DYNC1LI1: variants seen among roughly 807,000 people sequenced by gnomAD.
DYNC1LI1 encodes dynein cytoplasmic 1 light intermediate chain 1.
Under a neutral mutation model 63.8 loss-of-function variants are expected in DYNC1LI1, and 19 were observed. The ratio of observed to expected loss-of-function variants is 0.30; its 90% CI spans 0.21 to 0.44. DYNC1LI1 has a LOEUF of 0.44. Among genes scored for constraint, DYNC1LI1 ranks in the 20% least tolerant of loss-of-function variants. DYNC1LI1 has a pLI of 1.00. For synonymous variants in DYNC1LI1, 225 were observed against 232.3 expected, an observed-to-expected ratio of 0.97 and a Z score of 0.28; for missense variants, 565 against 630.2, an observed-to-expected ratio of 0.90 and a Z score of 1.11.
intron 2 of DYNC1LI1, among the ~76,000 whole-genome samples, chr3:32,561,522 A>G (rs1698194041): frequency 6.6e-6 from 1 of 151,816 alleles, no homozygotes. Context: ...CCAGCTACTC[A>G]GGAGGCTGAG....
At chr3:32,532,942 TAGTCTAA>T in intron 8 of DYNC1LI1, 37 bp downstream of exon 8, 2 of 1,514,678 alleles carry the variant, frequency 1.3e-6, no homozygotes, top group Non-Finnish European at 1.8e-6. Context: ...CCCCTCAGGT[TAGTCTAA>T]AGTCTAAATA....
chr3:32,561,032 A>AAAAAAAAAAAAAAAAAC (rs1559444480), intron 2 of DYNC1LI1, among the ~76,000 whole-genome samples: 1 of 118,766 alleles, frequency 8.4e-6, no homozygotes, highest in African/African-American at 3.7e-5. Flanking sequence ...AAAAAAAAAA[A>AAAAAAAAAAAAAAAAAC]ACAAACAAAA....
intron 2 of DYNC1LI1, among the ~76,000 whole-genome samples, chr3:32,546,743 C>T (rs1697960060): frequency 6.6e-6 from 1 of 152,022 alleles, no homozygotes; most frequent in Non-Finnish European, 1.5e-5. Context: ...TACATCAGGA[C>T]AGGGAACTGT....
At chr3:32,559,994 T>A (rs1205366727) in intron 2 of DYNC1LI1, among the ~76,000 whole-genome samples, 1 of 152,132 alleles carries the variant, frequency 6.6e-6, no homozygotes, top group South Asian at 2.1e-4. Flanking sequence ...CTCCCTCACA[T>A]TGGTAGGTAA....
At chr3:32,570,094 G>A (rs926997790) in intron 2 of DYNC1LI1, 8 of 628,384 alleles carry the variant, frequency 1.3e-5, no homozygotes, top group Non-Finnish European at 2.3e-5. Flanking sequence ...CTTCCCAGGG[G>A]AAGCTGTCAG....
chr3:32,545,587 T>G (rs1697941536), intron 3 of DYNC1LI1: 6 of 427,270 alleles, frequency 1.4e-5, no homozygotes, highest in Non-Finnish European at 1.7e-5. Context: ...TGAGGGAAGA[T>G]GAACTGAAAA....
intron 1 of DYNC1LI1, 50 bp from the exon 2 acceptor site, chr3:32,570,469 C>A: frequency 6.5e-7 from 1 of 1,527,442 alleles, no homozygotes; most frequent in Middle Eastern, 2.3e-4. Flanking sequence ...AGCCGCAGCG[C>A]GGGAGGGACG....
intron 2 of DYNC1LI1, among the ~76,000 whole-genome samples, chr3:32,562,317 A>G (rs547120043): frequency 2.0e-4 from 31 of 152,196 alleles, no homozygotes; most frequent in African/African-American, 7.0e-4. Context: ...TCTACGTGGT[A>G]GGATCATGCA....
intron 4 of DYNC1LI1, among the ~76,000 whole-genome samples, chr3:32,542,018 C>T (rs960892535): frequency 6.6e-6 from 1 of 152,018 alleles, no homozygotes; most frequent in African/African-American, 2.4e-5. Flanking sequence ...GAATATTTAA[C>T]GTTGTAGGAA....
Position 32,566,135 on chromosome 3 carries a change from G to A in DYNC1LI1, c.220+4211C>T, listed in dbSNP as rs531524802. Among the ~76,000 whole-genome samples, 320 of 152,096 alleles carry A rather than the reference G, an allele frequency of 2.1e-3. 2 individuals carry two copies. The highest frequency in any genetic ancestry group is 7.4e-3 in the African/African-American group (307 of 41,526). On this transcript the variant is annotated intron_variant, in intron 2 of 12. Coordinates refer to ENST00000273130, the MANE Select transcript of DYNC1LI1 (RefSeq NM_016141.4). ...AAAAGTACAAAAACTGGCTAGGAGTGGTGACACGCACCTGTAGTCCCAGCT... is the reference window on the plus strand; with the variant it reads ...AAAAGTACAAAAACTGGCTAGGAGTAGTGACACGCACCTGTAGTCCCAGCT...
Position 32,566,196 on chromosome 3 carries a change from C to T in DYNC1LI1, c.220+4150G>A, listed in dbSNP as rs1167600877. On this transcript the variant is annotated intron_variant, in intron 2 of 12. Coordinates refer to ENST00000273130, the MANE Select transcript of DYNC1LI1 (RefSeq NM_016141.4). The stretch of plus-strand genomic sequence containing the variant: ...CTGAGGCAGGAGGACGGTTTGAGCC[C>T]AGGAGGCAGAGGTTGCAGTGAGCCG... 4.0e-5 allele frequency among the ~76,000 whole-genome samples: 6 copies of T among 151,264 alleles called. No homozygotes were observed. The East Asian group carries it at 1.0e-3, about 25-fold the overall frequency.
chr3:32,567,345 C>T (rs571592568), intron 2 of DYNC1LI1, among the ~76,000 whole-genome samples: 1 of 152,046 alleles, frequency 6.6e-6, no homozygotes, highest in Non-Finnish European at 1.5e-5. Context: ...TACACATACA[C>T]ACGTTACTAC....
chr3:32,544,024 C>A (rs192381478), intron 4 of DYNC1LI1, among the ~76,000 whole-genome samples: 1 of 151,724 alleles, frequency 6.6e-6, no homozygotes, highest in African/African-American at 2.4e-5. Context: ...CAAGATTGTG[C>A]CACTGTACTT....
chr3:32,535,006 T>A (rs1304228385), intron 6 of DYNC1LI1, among the ~76,000 whole-genome samples: 1 of 152,212 alleles, frequency 6.6e-6, no homozygotes, highest in Non-Finnish European at 1.5e-5. Flanking sequence ...ATATTATTTA[T>A]CAACAGCTGT....
Position 32,526,876 on chromosome 3 carries a change from G to C in DYNC1LI1, c.1495C>G (p.Leu499Val). The C allele has an allele frequency of 6.2e-7, 1 of 1,613,888 alleles. No homozygotes were observed. The highest frequency in any genetic ancestry group is 1.1e-5 in the South Asian group (1 of 91,080). Reference sequence around the variant, plus strand: ...ACTGGTTTTCGTGTAATTCTGTCTAGTTCTGCATGAACATCTAAGACAGGC... The same window carrying C: ...ACTGGTTTTCGTGTAATTCTGTCTACTTCTGCATGAACATCTAAGACAGGC... ...QKPVLDVHAE[L>V]DRITRKPVTV... The change falls in exon 13 of 13, where the codon CTA becomes GTA. Residue 499 changes from leucine (L) to valine (V), a missense_variant. By Grantham distance (32) the Leu-to-Val change is conservative. Transcript: ENST00000273130.
intron 6 of DYNC1LI1, among the ~76,000 whole-genome samples, chr3:32,536,686 C>T (rs533323742): frequency 1.3e-5 from 2 of 152,106 alleles, no homozygotes; most frequent in Non-Finnish European, 2.9e-5. Context: ...CTTGTCCTAC[C>T]ACCCACCAAT....
In DYNC1LI1 at chr3:32,538,049, T is replaced by TA. The variant is rs1553617973; in HGVS notation, c.739-946_739-945insT. ...TTATATATATAATATATATATATAATTATATATATATAATTTATTATATAT... is the reference window on the plus strand; with the variant it reads ...TTATATATATAATATATATATATAATATATATATATATAATTTATTATATAT... On this transcript the variant is annotated intron_variant, in intron 5 of 12. Transcript: ENST00000273130. 6.9e-4 allele frequency among the ~76,000 whole-genome samples: 3 copies of TA among 4,324 alleles called. 1 individual carries two copies. The highest frequency in any genetic ancestry group is 9.2e-4 in the Non-Finnish European group (3 of 3,260). 2.8% of individuals were successfully genotyped at this position (4,324 alleles called of 152,430 possible).
chr3:32,561,462 A>C (rs1014204472), intron 2 of DYNC1LI1, among the ~76,000 whole-genome samples: 2 of 151,054 alleles, frequency 1.3e-5, no homozygotes, highest in Non-Finnish European at 3.0e-5. Context: ...CCCCGTCTCT[A>C]CTAAAAAATA....
intron 2 of DYNC1LI1, among the ~76,000 whole-genome samples, chr3:32,555,026 T>C (rs569120219): frequency 1.3e-5 from 2 of 152,098 alleles, no homozygotes; most frequent in East Asian, 3.9e-4. Flanking sequence ...CATGCCACCA[T>C]GCCCGGCTAG....
Sources: allele counts gnomAD v4.1 joint callset (sites outside exome capture counted in the v4.1 genomes callset), GRCh38; gene constraint gnomAD v4.1.1; transcripts MANE v1.5; gene names NCBI Gene and HGNC (gene_info 2026-07-23, HGNC 2026-07-21).